The following CADM2 variants were observed in gnomAD, a reference collection of about 807,000 sequenced individuals.
CADM2 encodes cell adhesion molecule 2.
A neutral mutation model predicts 49.8 loss-of-function variants in CADM2; 12 were observed. The observed-to-expected ratio is 0.24, with a 90% CI of 0.15 to 0.39. The LOEUF is 0.39. CADM2 is among the 10% of genes least tolerant of loss of function. The pLI is 1.00. For missense variants in CADM2, 378 were observed against 492.3 expected (o/e 0.77, Z 2.20); for synonymous variants, 214 against 175.4 (o/e 1.22, Z -1.74).
chr3:85,544,436 G>C (rs2061616592), intron 1 of CADM2, among the ~76,000 whole-genome samples: 2 of 152,134 alleles, frequency 1.3e-5, no homozygotes, highest in African/African-American at 4.8e-5. Flanking sequence ...AATTAGCCCG[G>C]CGCTGTGGCG....
At chr3:85,745,194 A>AT (rs2107838710) in intron 2 of CADM2, among the ~76,000 whole-genome samples, 1 of 152,250 alleles carries the variant, frequency 6.6e-6, no homozygotes, top group African/African-American at 2.4e-5. Context: ...TTATTACTGG[A>AT]TTGCCATAAA....
At chr3:85,520,593 G>A (rs939634941) in intron 1 of CADM2, among the ~76,000 whole-genome samples, 2 of 151,936 alleles carry the variant, frequency 1.3e-5, no homozygotes, top group South Asian at 2.1e-4. Flanking sequence ...TCCTATTTGA[G>A]TCATAGCTGT....
At chr3:85,456,580 A>T (rs1310132630) in intron 1 of CADM2, among the ~76,000 whole-genome samples, 1 of 152,152 alleles carries the variant, frequency 6.6e-6, no homozygotes, top group Non-Finnish European at 1.5e-5. Flanking sequence ...CTTTTTCAAA[A>T]GTTTAACATA....
chr3:85,807,129 C>A (rs780196974), intron 3 of CADM2, among the ~76,000 whole-genome samples: 50 of 152,148 alleles, frequency 3.3e-4, no homozygotes, highest in Non-Finnish European at 6.9e-4. Flanking sequence ...CCTGGGCAGC[C>A]TCTGCCATTG....
At chr3:85,927,168 G>C (rs1214285146) in intron 6 of CADM2, among the ~76,000 whole-genome samples, 1 of 152,160 alleles carries the variant, frequency 6.6e-6, no homozygotes, top group Non-Finnish European at 1.5e-5. Flanking sequence ...TTAGAAGATA[G>C]TTGTGACGAG....
At chr3:85,263,913 A>C (rs1191460795) in intron 1 of CADM2, among the ~76,000 whole-genome samples, 1 of 152,102 alleles carries the variant, frequency 6.6e-6, no homozygotes, top group Non-Finnish European at 1.5e-5. Flanking sequence ...AAATTCCCTC[A>C]AAATGCCTAT....
chr3:85,475,486 A>G (rs1016524100), intron 1 of CADM2, among the ~76,000 whole-genome samples: 1 of 151,980 alleles, frequency 6.6e-6, no homozygotes, highest in Non-Finnish European at 1.5e-5. Flanking sequence ...TAAATTTTGG[A>G]AAGACTCATC....
chr3:85,621,768 TC>T (rs2063985201), intron 1 of CADM2, among the ~76,000 whole-genome samples: 1 of 152,118 alleles, frequency 6.6e-6, no homozygotes, highest in South Asian at 2.1e-4. Flanking sequence ...CCAGCACAAC[TC>T]TTTTGACACA....
intron 1 of CADM2, among the ~76,000 whole-genome samples, chr3:85,128,843 C>A (rs2039124085): frequency 6.6e-6 from 1 of 152,118 alleles, no homozygotes; most frequent in South Asian, 2.1e-4. Context: ...TATCTTTAAA[C>A]ACTTTATTTA....
At chr3:85,150,926 T>TAAA (rs564438039) in intron 1 of CADM2, among the ~76,000 whole-genome samples, 4 of 143,064 alleles carry the variant, frequency 2.8e-5, no homozygotes, top group Admixed American at 2.8e-4. Flanking sequence ...TAAAAATAAA[T>TAAA]AATAATAATA....
chr3:85,579,773 A>C (rs1244265234), intron 1 of CADM2, among the ~76,000 whole-genome samples: 6 of 152,086 alleles, frequency 3.9e-5, no homozygotes, highest in Admixed American at 1.3e-4. Context: ...ATTCATATAG[A>C]TTTATATAGA....
chr3:85,266,999 A>G (rs899696783), intron 1 of CADM2, among the ~76,000 whole-genome samples: 3 of 151,924 alleles, frequency 2.0e-5, no homozygotes, highest in East Asian at 1.9e-4. Flanking sequence ...ATTTAATATT[A>G]TAACCTAGAC....
chr3:84,974,233 G>GTATA (rs35432857), intron 1 of CADM2, among the ~76,000 whole-genome samples: 2,700 of 149,070 alleles, frequency 0.018, 22 homozygotes, highest in Non-Finnish European at 0.026. Context: ...GTAATTATAT[G>GTATA]TATATATATA....
chr3:85,971,167 G>A (rs1265940187), intron 8 of CADM2, among the ~76,000 whole-genome samples: 2 of 151,438 alleles, frequency 1.3e-5, no homozygotes, highest in Admixed American at 6.6e-5. Flanking sequence ...GAGAATAGGA[G>A]GCAACAAATG....
At chr3:86,018,476 T>G (rs1454634325) in intron 8 of CADM2, among the ~76,000 whole-genome samples, 1 of 152,058 alleles carries the variant, frequency 6.6e-6, no homozygotes, top group Non-Finnish European at 1.5e-5. Context: ...ATGGTTTAAC[T>G]AGTTTACAGT....
At chr3:85,577,232 G>T (rs1441249298) in intron 1 of CADM2, among the ~76,000 whole-genome samples, 1 of 152,088 alleles carries the variant, frequency 6.6e-6, no homozygotes, top group Non-Finnish European at 1.5e-5. Context: ...TGATTTGAAC[G>T]TGTCCCCCGG....
chr3:85,357,113 A>G (rs1482760828), intron 1 of CADM2, among the ~76,000 whole-genome samples: 1 of 152,148 alleles, frequency 6.6e-6, no homozygotes, highest in Non-Finnish European at 1.5e-5. Context: ...TATTATTTAT[A>G]TCCAAACTTC....
intron 1 of CADM2, among the ~76,000 whole-genome samples, chr3:85,547,033 G>A (rs2061682388): frequency 6.6e-6 from 1 of 151,658 alleles, no homozygotes; most frequent in African/African-American, 2.4e-5. Context: ...TTTAATGTCT[G>A]GAAGTAGGGA....
intron 1 of CADM2, among the ~76,000 whole-genome samples, chr3:85,708,803 G>A (rs982219900): frequency 6.6e-6 from 1 of 152,070 alleles, no homozygotes; most frequent in Admixed American, 6.6e-5. Flanking sequence ...CTTGATGTTT[G>A]TGGGGTAAGA....
Sources: gnomAD v4.1 joint callset for allele counts (sites outside exome capture counted in the v4.1 genomes callset) on GRCh38, gnomAD v4.1.1 for gene constraint, MANE v1.5 for transcripts, NCBI Gene and HGNC (gene_info 2026-07-23, HGNC 2026-07-21) for gene names.